Variants in APBA2 observed in about 807,000 individuals in gnomAD.
APBA2 encodes the protein amyloid-beta A4 precursor protein-binding family A member 2.
Under a neutral mutation model 75.0 loss-of-function variants are expected in APBA2, and 30 were observed. The ratio of observed to expected loss-of-function variants is 0.40; its 90% CI spans 0.30 to 0.54. The LOEUF (loss-of-function observed/expected upper bound fraction) is 0.54. Among genes scored for constraint, APBA2 ranks in the 20% least tolerant of loss-of-function variants. The pLI, the probability that APBA2 is intolerant of heterozygous loss-of-function variation, is 0.49. For synonymous variants in APBA2, 444 were observed against 409.6 expected (o/e 1.08, Z -1.01); for missense variants, 801 against 1,016.1 (o/e 0.79, Z 2.88).
At chr15:28,905,058 T>C (rs920999287) in intron 1 of APBA2, among the ~76,000 whole-genome samples, 1 of 152,074 alleles carries the variant, frequency 6.6e-6, no homozygotes, top group African/African-American at 2.4e-5. Flanking sequence ...AACCAAGCCC[T>C]CCCCCAGTTC....
intron 3 of APBA2, among the ~76,000 whole-genome samples, chr15:29,047,582 C>G (rs2041395989): frequency 6.6e-6 from 1 of 152,082 alleles, no homozygotes; most frequent in Admixed American, 6.6e-5. Flanking sequence ...CTGATCTCCC[C>G]CTGGTTCAGC....
chr15:29,059,477 A>G (rs1459391749), intron 4 of APBA2, among the ~76,000 whole-genome samples: 1 of 152,168 alleles, frequency 6.6e-6, no homozygotes, highest in Non-Finnish European at 1.5e-5. Context: ...TGATTAAAAA[A>G]CACATAGTGG....
At chr15:29,080,452 C>A (rs2043038410) in intron 6 of APBA2, among the ~76,000 whole-genome samples, 1 of 152,138 alleles carries the variant, frequency 6.6e-6, no homozygotes, top group African/African-American at 2.4e-5. Flanking sequence ...GGCGCAGGAT[C>A]ACAGCCTTCT....
At chr15:29,072,659 A>T (rs1718181919) in intron 4 of APBA2, among the ~76,000 whole-genome samples, 1 of 152,028 alleles carries the variant, frequency 6.6e-6, no homozygotes, top group Non-Finnish European at 1.5e-5. Context: ...AGGGGGAAGG[A>T]TGGGTTTTGC....
chr15:28,895,867 T>A (rs2032450476), intron 1 of APBA2, among the ~76,000 whole-genome samples: 1 of 152,146 alleles, frequency 6.6e-6, no homozygotes, highest in African/African-American at 2.4e-5. Flanking sequence ...ATCCCAGCAC[T>A]TTGGGAAGCC....
At chr15:28,987,591 C>G (rs751532073) in intron 2 of APBA2, among the ~76,000 whole-genome samples, 57 of 151,866 alleles carry the variant, frequency 3.8e-4, no homozygotes, top group Middle Eastern at 6.8e-3. Flanking sequence ...CTTTTATGAC[C>G]TGGTCTCATT....
chr15:28,908,652 A>T (rs954391360), intron 1 of APBA2, among the ~76,000 whole-genome samples: 10 of 152,106 alleles, frequency 6.6e-5, no homozygotes, highest in Non-Finnish European at 1.5e-4. Flanking sequence ...TTTCTTTGGG[A>T]TACCTCAGGC....
At chr15:29,025,458 A>G (rs11070232) in intron 3 of APBA2, among the ~76,000 whole-genome samples, 55,962 of 151,442 alleles carry the variant, frequency 0.37, 16,409 homozygotes, top group African/African-American at 0.79. Context: ...TAGTAGAGAC[A>G]GGTTTTCACC....
intron 3 of APBA2, among the ~76,000 whole-genome samples, chr15:29,043,359 C>G (rs1195384924): frequency 1.3e-5 from 2 of 152,184 alleles, no homozygotes; most frequent in African/African-American, 4.8e-5. Context: ...TAACCCCAAG[C>G]CTCTTCCAAG....
At chr15:28,906,978 A>G (rs1192300941) in intron 1 of APBA2, among the ~76,000 whole-genome samples, 1 of 152,004 alleles carries the variant, frequency 6.6e-6, no homozygotes, top group East Asian at 1.9e-4. Context: ...TGGCAATGCA[A>G]AAATTTGGAA....
At chr15:28,963,012 G>A (rs991218528) in intron 2 of APBA2, among the ~76,000 whole-genome samples, 8 of 152,124 alleles carry the variant, frequency 5.3e-5, no homozygotes, top group Admixed American at 3.9e-4. Flanking sequence ...GGCAATCCAG[G>A]GCTGAAAACT....
intron 3 of APBA2, among the ~76,000 whole-genome samples, chr15:29,045,079 C>CTCTCTCTCTCTT (rs1555399878): frequency 8.6e-6 from 1 of 116,922 alleles, no homozygotes; most frequent in African/African-American, 7.7e-5. Context: ...TTCTCTCTCT[C>CTCTCTCTCTCTT]TCTCTCTCTC....
At chr15:28,972,374 G>GGAATGGTT (rs1483539930) in intron 2 of APBA2, among the ~76,000 whole-genome samples, 1 of 152,182 alleles carries the variant, frequency 6.6e-6, no homozygotes, top group Admixed American at 6.5e-5. Flanking sequence ...TGCCATTCCG[G>GGAATGGTT]GAATGGTTGA....
chr15:29,102,062 C>T (rs2044153921), intron 10 of APBA2: 1 of 558,504 alleles, frequency 1.8e-6, no homozygotes, highest in Non-Finnish European at 3.2e-6. Flanking sequence ...CTTTACAAAA[C>T]ATTTTCTCTA....
At chr15:29,009,211 C>A (rs563133419) in intron 3 of APBA2, among the ~76,000 whole-genome samples, 1 of 152,252 alleles carries the variant, frequency 6.6e-6, no homozygotes, top group Admixed American at 6.5e-5. Context: ...AGCCCCTGCC[C>A]AAGATATGGT....
chr15:29,080,668 C>A (rs1006397530), intron 6 of APBA2, among the ~76,000 whole-genome samples: 1 of 152,164 alleles, frequency 6.6e-6, no homozygotes, highest in Non-Finnish European at 1.5e-5. Flanking sequence ...TCCTACAGGA[C>A]GTGGTGTCTG....
intron 1 of APBA2, among the ~76,000 whole-genome samples, chr15:28,904,458 C>T (rs2152636755): frequency 6.6e-6 from 1 of 152,308 alleles, no homozygotes; most frequent in Non-Finnish European, 1.5e-5. Context: ...TTTTTATTGG[C>T]AGATATTCAT....
At chr15:28,947,041 A>G (rs920576170) in intron 2 of APBA2, among the ~76,000 whole-genome samples, 6 of 152,198 alleles carry the variant, frequency 3.9e-5, no homozygotes, top group African/African-American at 1.2e-4. Context: ...GTTCTCTCCC[A>G]TCACGGGGCT....
Position 28,957,238 on chromosome 15 carries a change from A to G in APBA2, c.-95+35489A>G, listed in dbSNP as rs569328979. On this transcript the variant is annotated intron_variant, in intron 2 of 14. Transcript: ENST00000683413. The stretch of plus-strand genomic sequence containing the variant: ...CAGGCGCCCGCCACCGTGCCTGGCT[A>G]ATTTTTTTAAGTATTTTTAGTAGAG... 1.8e-4 allele frequency among the ~76,000 whole-genome samples: 23 copies of G among 128,242 alleles called. No individual in the cohort carries two copies. In the East Asian group the frequency reaches 6.5e-3, roughly 36 times the overall value. 84.1% of individuals were successfully genotyped at this position (128,242 alleles called of 152,430 possible).
Sources: gnomAD v4.1 joint callset for allele counts (sites outside exome capture counted in the v4.1 genomes callset) on GRCh38, gnomAD v4.1.1 for gene constraint, MANE v1.5 for transcripts, NCBI Gene and HGNC (gene_info 2026-07-23, HGNC 2026-07-21) for gene names.